ZNF423: variants seen among roughly 807,000 people sequenced by gnomAD.
The protein encoded by ZNF423 is zinc finger protein 423, also known as Ebf-associated zinc finger protein.
ZNF423 carries 12 observed loss-of-function variants against 95.8 expected under a neutral mutation model. The ratio of observed to expected loss-of-function variants is 0.13; its 90% confidence interval spans 0.08 to 0.20. The LOEUF (loss-of-function observed/expected upper bound fraction) is 0.20, where lower values mean the gene tolerates loss of function less well. Ranked by LOEUF, ZNF423 falls within the 10% of genes least tolerant of loss-of-function variation. The probability of loss-of-function intolerance (pLI) is 1.00; values close to 1 mark genes in which losing one functional copy is unlikely to be tolerated. For synonymous variants in ZNF423, 749 were observed against 711.9 expected, an observed-to-expected ratio of 1.05 and a Z score of -0.83; for missense variants, 1,316 against 1,737.1, an observed-to-expected ratio of 0.76 and a Z score of 4.31.
chr16:49,678,819 C>G lies in ZNF423; in HGVS notation c.302-39945G>C, dbSNP rs1370599210. On this transcript the variant is annotated intron_variant, in intron 3 of 7. Coordinates refer to ENST00000563137, the MANE Select transcript of ZNF423 (RefSeq NM_001379286.1). The stretch of plus-strand genomic sequence containing the variant: ...CAGCACACAGTTTGGGGAAACCAAT[C>G]TCAACTATTTATTAAGTGAATGAAT... Among the ~76,000 whole-genome samples the G allele has an allele frequency of 3.9e-5, 6 of 152,234 alleles. No homozygotes were observed. The East Asian group carries it at 9.6e-4, about 24-fold the overall frequency.
At chr16:49,717,112 T>A (rs1315704356) in intron 3 of ZNF423, among the ~76,000 whole-genome samples, 2 of 152,082 alleles carry the variant, frequency 1.3e-5, no homozygotes, top group East Asian at 3.9e-4. Context: ...TCCTTACACA[T>A]AGGCCAGGCA....
chr16:49,696,844 G>A (rs2031993829), intron 3 of ZNF423, among the ~76,000 whole-genome samples: 1 of 152,186 alleles, frequency 6.6e-6, no homozygotes, highest in Admixed American at 6.5e-5. Flanking sequence ...AAGGGACAAA[G>A]GACCAGCCCC....
intron 2 of ZNF423, among the ~76,000 whole-genome samples, chr16:49,789,002 G>A (rs1036863812): frequency 3.9e-5 from 6 of 152,174 alleles, no homozygotes; most frequent in Admixed American, 1.3e-4. Context: ...CGTCACCCCC[G>A]ACACCCCACG....
chr16:49,724,929 GA>G (rs1596925415), intron 3 of ZNF423, among the ~76,000 whole-genome samples: 1 of 152,032 alleles, frequency 6.6e-6, no homozygotes, highest in East Asian at 1.9e-4. Flanking sequence ...TGTTTTTTTG[GA>G]AGTTGAGCAT....
chr16:49,596,622 A>T (rs1341853363), intron 5 of ZNF423, among the ~76,000 whole-genome samples: 1 of 152,010 alleles, frequency 6.6e-6, no homozygotes, highest in Non-Finnish European at 1.5e-5. Context: ...CTTATGAAAA[A>T]CCCTGGAGAA....
intron 7 of ZNF423, among the ~76,000 whole-genome samples, chr16:49,508,400 G>C (rs1967742301): frequency 6.6e-6 from 1 of 151,006 alleles, no homozygotes; most frequent in Non-Finnish European, 1.5e-5. Flanking sequence ...TGCACCTGTA[G>C]TCCCAGCTAC....
chr16:49,845,777 C>A (rs1050573290), intron 1 of ZNF423, among the ~76,000 whole-genome samples: 2 of 151,982 alleles, frequency 1.3e-5, no homozygotes, highest in Non-Finnish European at 2.9e-5. Context: ...CTCCTGAGCT[C>A]AAGCAATTCA....
intron 3 of ZNF423, among the ~76,000 whole-genome samples, chr16:49,645,722 C>T (rs74462791): frequency 0.036 from 5,441 of 152,220 alleles, 313 homozygotes; most frequent in African/African-American, 0.12. Flanking sequence ...TTCCCATAAT[C>T]CCCACTTGTG....
At chr16:49,646,753 T>C (rs374314181) in intron 3 of ZNF423, among the ~76,000 whole-genome samples, 2 of 151,938 alleles carry the variant, frequency 1.3e-5, no homozygotes, top group South Asian at 4.2e-4. Flanking sequence ...TTTGTATTTT[T>C]AGTAGAGACA....
chr16:49,648,497 C>T (rs1311603477), intron 3 of ZNF423, among the ~76,000 whole-genome samples: 1 of 151,908 alleles, frequency 6.6e-6, no homozygotes, highest in East Asian at 1.9e-4. Context: ...CAAAAATTAG[C>T]TGGGCATGGT....
chr16:49,729,982 G>C (rs2033121950), intron 3 of ZNF423, among the ~76,000 whole-genome samples: 1 of 152,118 alleles, frequency 6.6e-6, no homozygotes. Context: ...GATGGAAGAA[G>C]GTCTCTCAGG....
chr16:49,799,932 A>G (rs1385919211), intron 1 of ZNF423, among the ~76,000 whole-genome samples: 2 of 152,144 alleles, frequency 1.3e-5, no homozygotes, highest in Non-Finnish European at 2.9e-5. Context: ...TAGGACCACA[A>G]GCACGCACCA....
chr16:49,638,938 A>T lies in ZNF423; in HGVS notation c.302-64T>A. On this transcript the variant is annotated intron_variant, in intron 3 of 7. Coordinates refer to ENST00000563137, the MANE Select transcript of ZNF423 (RefSeq NM_001379286.1). This position sits in a 1 kb window ranked among gnomAD's most constrained non-coding sequence, Gnocchi z 5.6. Reference sequence around the variant, plus strand: ...CAGGGCTGCCGAGAAACAAGGACAGAGCCAGCTTCTCGACAGCACGCGGGC... The same window carrying T: ...CAGGGCTGCCGAGAAACAAGGACAGTGCCAGCTTCTCGACAGCACGCGGGC... The T allele has an allele frequency of 6.6e-7, 1 of 1,525,378 alleles. No individual in the cohort carries two copies. The highest frequency in any genetic ancestry group is 1.8e-4 in the Middle Eastern group (1 of 5,694). 94.5% of individuals were successfully genotyped at this position (1,525,378 alleles called of 1,614,324 possible).
intron 1 of ZNF423, among the ~76,000 whole-genome samples, chr16:49,843,338 G>C (rs1446205385): frequency 6.6e-6 from 1 of 152,168 alleles, no homozygotes; most frequent in East Asian, 1.9e-4. Flanking sequence ...TATTAACATG[G>C]AACAGATTTA....
At chr16:49,766,604 G>T (rs1448798444) in intron 2 of ZNF423, among the ~76,000 whole-genome samples, 3 of 152,226 alleles carry the variant, frequency 2.0e-5, no homozygotes, top group African/African-American at 7.2e-5. Context: ...GGGAGGCCCA[G>T]GAAACTCAAA....
chr16:49,551,577 G>C (rs1405506867), intron 5 of ZNF423, among the ~76,000 whole-genome samples: 1 of 152,218 alleles, frequency 6.6e-6, no homozygotes, highest in Non-Finnish European at 1.5e-5. Flanking sequence ...TGGCAGCATG[G>C]GGGCAAAGGA....
intron 3 of ZNF423, among the ~76,000 whole-genome samples, chr16:49,658,206 C>T (rs555681067): frequency 7.9e-5 from 12 of 152,344 alleles, no homozygotes; most frequent in African/African-American, 2.4e-4. Context: ...AGCTCTTGGT[C>T]TGTCCCTCTC....
At chr16:49,509,373 T>A (rs959136412) in intron 7 of ZNF423, among the ~76,000 whole-genome samples, 1 of 152,168 alleles carries the variant, frequency 6.6e-6, no homozygotes, top group Non-Finnish European at 1.5e-5. Flanking sequence ...CCGTCCATGA[T>A]TGATTCTGTC....
chr16:49,699,721 T>C (rs1416142756), intron 3 of ZNF423, among the ~76,000 whole-genome samples: 1 of 152,222 alleles, frequency 6.6e-6, no homozygotes, highest in African/African-American at 2.4e-5. Flanking sequence ...TTGTTTATTT[T>C]TGAGTGCTCT....
Sources: gnomAD v4.1 joint callset for allele counts (sites outside exome capture counted in the v4.1 genomes callset) on GRCh38, gnomAD v4.1.1 for gene constraint, Gnocchi (gnomAD v3.1) non-coding constraint, MANE v1.5 for transcripts, NCBI Gene and HGNC (gene_info 2026-07-23, HGNC 2026-07-21) for gene names.